NCL: variants seen among roughly 807,000 people sequenced by gnomAD.
The protein encoded by NCL is nucleolin multifunctional protein.
A neutral mutation model predicts 77.7 loss-of-function variants in NCL; 4 were observed. The ratio of observed to expected loss-of-function variants is 0.05; its 90% CI spans 0.03 to 0.12. The LOEUF (loss-of-function observed/expected upper bound fraction) is 0.12, where lower values mean the gene tolerates loss of function less well. NCL is among the 10% of genes least tolerant of loss of function. The pLI, the probability that NCL is intolerant of heterozygous loss-of-function variation, is 1.00. For missense variants in NCL, 763 were observed against 860.9 expected, an observed-to-expected ratio of 0.89 and a Z score of 1.42; for synonymous variants, 344 against 297.8, an observed-to-expected ratio of 1.16 and a Z score of -1.60.
rs2046877926 is a variant in NCL, at chr2:231,455,509, C to T, written c.1948G>A (p.Glu650Lys). 2 of 1,614,118 alleles carry T rather than the reference C, an allele frequency of 1.2e-6. No homozygotes were observed. The highest frequency in any genetic ancestry group is 8.5e-7 in the Non-Finnish European group (1 of 1,180,044). Residue 650 changes from glutamate to lysine, a missense_variant, in exon 13 of 14, where the codon GAA becomes AAA. Glu to Lys is a moderately conservative substitution (Grantham distance 56). Transcript: ENST00000322723. ...CCACCACGACCCCCGAAGCCACCTT[C>T]ACCCTTAGGTTTGGCCCAGTCCAAG... is the stretch of plus-strand genomic sequence containing the variant. ...VTLDWAKPKG[E>K]GGFGGRGGGR...
At chr2:231,460,041 GATGTTTACAGTATTC>G (rs1453812855) in intron 6 of NCL, 96 bp downstream of exon 6, 3 of 1,213,606 alleles carry the variant, frequency 2.5e-6, no homozygotes, top group African/African-American at 3.1e-5. Flanking sequence ...AATCCTTGAA[GATGTTTACAGTATTC>G]ATGTTTAACA....
At chr2:231,462,299 T>G (rs1192769580) in intron 2 of NCL, among the ~76,000 whole-genome samples, 3 of 152,188 alleles carry the variant, frequency 2.0e-5, no homozygotes, top group Non-Finnish European at 4.4e-5. Flanking sequence ...AAGCCCCAAC[T>G]TTCTCATCTG....
Position 231,460,700 on chromosome 2 carries a change from A to ATCT in NCL, c.777_779dup (p.Glu259dup). On this transcript the variant is annotated inframe_insertion, in exon 4 of 14. Transcript: ENST00000322723. Reference sequence around the variant, plus strand: ...CCTCCTCTTCTTCCTCCTCCTCATCATCTTCATCATCATCATCTTCATCAT... The same window carrying ATCT: ...CCTCCTCTTCTTCCTCCTCCTCATCATCTTCTTCATCATCATCATCTTCATCAT... 1.2e-6 allele frequency: 2 copies of ATCT among 1,604,814 alleles called. No homozygotes were observed. Among genetic ancestry groups the ATCT allele is most frequent in the Non-Finnish European group, 1.7e-6 (2 of 1,173,164 alleles).
In NCL at chr2:231,460,286, T is replaced by C. The variant is rs1165406207; in HGVS notation, c.906A>G (p.Glu302=). 1 of 1,613,914 alleles carries C rather than the reference T, an allele frequency of 6.2e-7. No homozygotes were observed. The highest frequency in any genetic ancestry group is 8.5e-7 in the Non-Finnish European group (1 of 1,179,964). Residue 302 remains glutamate (E), a synonymous_variant, in exon 6 of 14, where the codon GAA becomes GAG. Coordinates refer to ENST00000322723, the MANE Select transcript of NCL (RefSeq NM_005381.3). The part of the protein sequence containing the change: ...EAKKQKVEGT[E]PTTAFNLFVG... ...CAAAGAGATTGAAAGCCGTAGTCGG[T>C]TCTGTGCCTGCACAAAAAAAGCTCA...
chr2:231,455,869 T>C (rs1254923213), intron 12 of NCL, 141 bp downstream of exon 12: 1 of 1,364,338 alleles, frequency 7.3e-7, no homozygotes, highest in Non-Finnish European at 1.0e-6. Flanking sequence ...GTTCTGTGAA[T>C]TCTCTCTTCT....
In NCL at chr2:231,464,360, G is replaced by T; in HGVS notation, c.-7C>A. On this transcript the variant is annotated 5_prime_UTR_variant, in exon 1 of 14. Transcript: ENST00000322723. Reference sequence around the variant, plus strand: ...CCTTCGCGAGCTTCACCATGATGGCGGCGGAGTGTGAAGCGGACAAGTGGC... The same window carrying T: ...CCTTCGCGAGCTTCACCATGATGGCTGCGGAGTGTGAAGCGGACAAGTGGC... 6.2e-7 allele frequency: 1 copy of T among 1,601,716 alleles called. No individual in the cohort carries two copies. The highest frequency in any genetic ancestry group is 2.3e-5 in the East Asian group (1 of 44,278).
Position 231,459,047 on chromosome 2 carries a change from G to A in NCL, c.1119C>T (p.Gly373=), listed in dbSNP as rs1206223842. 4.3e-5 allele frequency: 69 copies of A among 1,603,114 alleles called. No homozygotes were observed. The highest frequency in any genetic ancestry group is 5.8e-5 in the Non-Finnish European group (68 of 1,175,964). ...TTGGTTTCTCTAGTTTAATTTCATTGCCAAAGACTTTCAAACCAGTGAGTT... is the reference window on the plus strand; with the variant it reads ...TTGGTTTCTCTAGTTTAATTTCATTACCAAAGACTTTCAAACCAGTGAGTT... ...ALELTGLKVF[G]NEIKLEKPKG... is the part of the protein sequence containing the mutation. Residue 373 remains glycine (G), a synonymous_variant, in exon 7 of 14, where the codon GGC becomes GGT. Coordinates refer to ENST00000322723, the MANE Select transcript of NCL (RefSeq NM_005381.3).
chr2:231,455,370 T>C (rs2046876107), intron 13 of NCL, 31 bp downstream of exon 13: 1 of 1,613,598 alleles, frequency 6.2e-7, no homozygotes, highest in Non-Finnish European at 8.5e-7. Flanking sequence ...GAGCACATGC[T>C]ATGTGGTGTC....
Position 231,460,259 on chromosome 2 carries a change from A to C in NCL, c.933T>G (p.Val311=). 6.2e-7 allele frequency: 1 copy of C among 1,614,164 alleles called. No homozygotes were observed. Among genetic ancestry groups the C allele is most frequent in the Non-Finnish European group, 8.5e-7 (1 of 1,180,032 alleles). ...CAGATTTGTTAAAGTTTAGGTTTCC[A>C]ACAAAGAGATTGAAAGCCGTAGTCG... ...TEPTTAFNLF[V]GNLNFNKSAP... is the part of the protein sequence containing the mutation. Residue 311 remains valine (V), a synonymous_variant, in exon 6 of 14, where the codon GTT becomes GTG. Transcript: ENST00000322723.
Position 231,454,926 on chromosome 2 carries a change from G to T in NCL, c.*265C>A. 17 of 288,966 alleles carry T rather than the reference G, an allele frequency of 5.9e-5. No individual in the cohort carries two copies. Among genetic ancestry groups the T allele is most frequent in the Middle Eastern group, 1.0e-3 (1 of 988 alleles). The allele number at this position is 288,966 out of a possible 1,614,324, so 17.9% of individuals were successfully genotyped here. On this transcript the variant is annotated 3_prime_UTR_variant, in exon 14 of 14. Transcript: ENST00000322723. ...ACTATTTGTAGGAAAAAATGGTTTT[G>T]TACATGGGATGAAACAATATAAATT...
At position 231,457,036 on chromosome 2, in the gene NCL, G is replaced by A. The variant is rs370035628; in HGVS notation, c.1536C>T (p.Ile512=). Residue 512 remains isoleucine (I), a synonymous_variant, in exon 10 of 14, where the codon ATC becomes ATT. Coordinates refer to ENST00000322723, the MANE Select transcript of NCL (RefSeq NM_005381.3). ...LQEVFEKATF[I]KVPQNQNGKS... ...TGCCATTTTGGTTCTGGGGTACTTT[G>A]ATAAAAGTTGCTTTCTCAAATACTT... The A allele has an allele frequency of 1.5e-5, 24 of 1,613,970 alleles. No homozygotes were observed. Among genetic ancestry groups the A allele is most frequent in the Non-Finnish European group, 1.9e-5 (23 of 1,180,002 alleles).
intron 6 of NCL, 54 bp from the exon 7 acceptor site, chr2:231,459,179 TC>T: frequency 6.7e-7 from 1 of 1,487,306 alleles, no homozygotes; most frequent in South Asian, 1.4e-5. Flanking sequence ...CAAATCAAAA[TC>T]CACAATATGT....
chr2:231,462,609 G>A (rs1427150156), intron 2 of NCL: 4 of 504,516 alleles, frequency 7.9e-6, no homozygotes, highest in Non-Finnish European at 1.2e-5. Context: ...CAGGCAATGT[G>A]TGGAAGAGTA....
In NCL at chr2:231,454,767, T is replaced by C. The variant is rs2046866432; in HGVS notation, c.*424A>G. On this transcript the variant is annotated 3_prime_UTR_variant, in exon 14 of 14. Coordinates refer to ENST00000322723, the MANE Select transcript of NCL (RefSeq NM_005381.3). ...AACACGTCTGGCACCAGAGTTGACTTTTAATTTGTCCTAAAGCCGCTGAAG... is the reference window on the plus strand; with the variant it reads ...AACACGTCTGGCACCAGAGTTGACTCTTAATTTGTCCTAAAGCCGCTGAAG... 1 of 162,724 alleles carries C rather than the reference T, an allele frequency of 6.1e-6. No individual in the cohort carries two copies. Among genetic ancestry groups the C allele is most frequent in the South Asian group, 1.6e-4 (1 of 6,346 alleles). The allele number at this position is 162,724 out of a possible 1,614,324, so 10.1% of individuals were successfully genotyped here.
At chr2:231,456,959 CAT>C (rs767956704) in intron 10 of NCL, 40 bp downstream of exon 10, 58 of 1,607,004 alleles carry the variant, frequency 3.6e-5, no homozygotes, top group South Asian at 2.2e-5. Context: ...ACCTCTAAGA[CAT>C]ATATAGCCTA....
chr2:231,456,428 C>T, intron 11 of NCL: 1 of 1,076,186 alleles, frequency 9.3e-7, no homozygotes, highest in South Asian at 1.3e-5. Context: ...AAACTTGCTA[C>T]TCTGAGTTGA....
chr2:231,455,114 C>T lies in NCL; in HGVS notation c.*77G>A, dbSNP rs1252571539. 1.3e-6 allele frequency: 2 copies of T among 1,505,338 alleles called. No individual in the cohort carries two copies. Among genetic ancestry groups the T allele is most frequent in the African/African-American group, 2.8e-5 (2 of 72,648 alleles). 93.2% of individuals were successfully genotyped at this position (1,505,338 alleles called of 1,614,324 possible). A position where few individuals can be genotyped will look rare whatever the true frequency, so the allele number is the denominator to read the frequency against. On this transcript the variant is annotated 3_prime_UTR_variant, in exon 14 of 14. Transcript: ENST00000322723. ...TGTCTTGGAATGTCCTCAGAAGGCT[C>T]TGTCATTGATCAGGTAACAGTAAAA... is the stretch of plus-strand genomic sequence containing the variant.
rs758422626 is a variant in NCL at position 231,461,553 on chromosome 2, GTCATCGTCATCC to G, written c.588_599del (p.Glu196_Asp199del). The G allele has an allele frequency of 3.1e-6, 5 of 1,612,918 alleles. No individual in the cohort carries two copies. The South Asian group carries it at 4.4e-5, about 14-fold the overall frequency. The stretch of plus-strand genomic sequence containing the variant: ...ACAACTCCTTACCATCTTCCTCATC[GTCATCGTCATCC>G]TCATCATCTTCGTCATCCTCATCGT... On this transcript the variant is annotated inframe_deletion, in exon 3 of 14. Transcript: ENST00000322723.
Position 231,453,547 on chromosome 2 carries a change from G to C in NCL, c.*1644C>G, listed in dbSNP as rs1001666425. ...CACGCCTGATGGGCTTCAATTAACT[G>C]AGCTTTTAATTCCTTATCCAGAATA... On this transcript the variant is annotated 3_prime_UTR_variant, in exon 14 of 14. Transcript: ENST00000322723. 1.9e-5 allele frequency: 3 copies of C among 158,544 alleles called. No individual in the cohort carries two copies. The highest frequency in any genetic ancestry group is 4.2e-5 in the Non-Finnish European group (3 of 71,466). The allele number at this position is 158,544 out of a possible 1,614,324, so 9.8% of individuals were successfully genotyped here.
Sources: allele counts gnomAD v4.1 joint callset (sites outside exome capture counted in the v4.1 genomes callset), GRCh38; gene constraint gnomAD v4.1.1; transcripts MANE v1.5; gene names NCBI Gene and HGNC (gene_info 2026-07-23, HGNC 2026-07-21).